Variants in PDLIM5 observed in about 807,000 individuals in gnomAD.
The protein encoded by PDLIM5 is PDZ and LIM domain protein 5.
PDLIM5 carries 34 observed loss-of-function variants against 64.2 expected under a neutral mutation model. The observed-to-expected ratio is 0.53, with a 90% CI of 0.40 to 0.71. The LOEUF (loss-of-function observed/expected upper bound fraction) is 0.71. Among genes scored for constraint, PDLIM5 ranks in the 30% least tolerant of loss-of-function variants. The pLI is 0.00. For synonymous variants in PDLIM5, 253 were observed against 269.1 expected (o/e 0.94, Z 0.59); for missense variants, 683 against 733.6 (o/e 0.93, Z 0.80).
At chr4:94,580,031 A>G (rs1476518328) in intron 5 of PDLIM5, among the ~76,000 whole-genome samples, 1 of 152,128 alleles carries the variant, frequency 6.6e-6, no homozygotes, top group African/African-American at 2.4e-5. Context: ...TGGATAATAG[A>G]AAGTCCACAC....
chr4:94,585,215 C>G (rs1736074553), intron 5 of PDLIM5, among the ~76,000 whole-genome samples: 1 of 152,086 alleles, frequency 6.6e-6, no homozygotes, highest in Non-Finnish European at 1.5e-5. Context: ...GTCAGCCTCC[C>G]CAGTAGCTGG....
intron 2 of PDLIM5, among the ~76,000 whole-genome samples, chr4:94,461,714 A>G (rs1723898531): frequency 6.6e-6 from 1 of 152,154 alleles, no homozygotes; most frequent in African/African-American, 2.4e-5. Context: ...ACTAGAACAG[A>G]GTTCACCAAC....
rs371683638 is a variant in PDLIM5 at position 94,667,318 on chromosome 4, C to T, written c.*3251C>T. 2.0e-5 allele frequency: 3 copies of T among 152,196 alleles called. No homozygotes were observed. Among genetic ancestry groups the T allele is most frequent in the East Asian group, 3.8e-4 (2 of 5,204 alleles). The allele number at this position is 152,196 out of a possible 1,614,324, so 9.4% of individuals were successfully genotyped here. A position where few individuals can be genotyped will look rare whatever the true frequency, so the allele number is the denominator to read the frequency against. ...TGCTTGTCCAGTTGGCCCTCCATGT[C>T]CATAGGCTTCGCATCTGTGATTCAG... is the stretch of plus-strand genomic sequence containing the variant. On this transcript the variant is annotated 3_prime_UTR_variant, in exon 13 of 13. Transcript: ENST00000317968.
intron 3 of PDLIM5, among the ~76,000 whole-genome samples, chr4:94,528,960 C>A (rs1435219470): frequency 6.6e-6 from 1 of 152,158 alleles, no homozygotes; most frequent in Non-Finnish European, 1.5e-5. Context: ...AGTGTGGTGG[C>A]CCTCTGTCAG....
intron 8 of PDLIM5, among the ~76,000 whole-genome samples, chr4:94,618,957 G>T (rs553497250): frequency 6.6e-6 from 1 of 152,218 alleles, no homozygotes; most frequent in South Asian, 2.1e-4. Context: ...CTCTCCCTGG[G>T]TGATCTCTCA....
chr4:94,604,583 G>A lies in PDLIM5; in HGVS notation c.921-13421G>A, dbSNP rs538153773. Among the ~76,000 whole-genome samples the A allele has an allele frequency of 7.2e-5, 11 of 152,214 alleles. No individual in the cohort carries two copies. In the South Asian group the frequency reaches 8.3e-4, roughly 11 times the overall value. On this transcript the variant is annotated intron_variant, in intron 7 of 12. Coordinates refer to ENST00000317968, the MANE Select transcript of PDLIM5 (RefSeq NM_006457.5). ...AGGGAGGTGGAGGTTGCAGTGAGCC[G>A]GGATTGTGCCACTGTACTCCAGCCT...
intron 7 of PDLIM5, among the ~76,000 whole-genome samples, chr4:94,617,197 A>G (rs771283914): frequency 5.3e-5 from 8 of 152,186 alleles, no homozygotes; most frequent in Non-Finnish European, 8.8e-5. Flanking sequence ...ACCTAGAATT[A>G]TTATTTTTTT....
intron 2 of PDLIM5, among the ~76,000 whole-genome samples, chr4:94,507,849 C>G (rs1234350690): frequency 6.6e-6 from 1 of 152,210 alleles, no homozygotes; most frequent in African/African-American, 2.4e-5. Flanking sequence ...GATGAATCAG[C>G]AGACAGTGTG....
In PDLIM5 at chr4:94,666,915, A is replaced by T. The variant is rs1421631665; in HGVS notation, c.*2848A>T. 6.6e-6 allele frequency: 1 copy of T among 152,174 alleles called. No homozygotes were observed. The highest frequency in any genetic ancestry group is 2.4e-5 in the African/African-American group (1 of 41,450). The allele number at this position is 152,174 out of a possible 1,614,324, so 9.4% of individuals were successfully genotyped here. A position where few individuals can be genotyped will look rare whatever the true frequency, so the allele number is the denominator to read the frequency against. On this transcript the variant is annotated 3_prime_UTR_variant, in exon 13 of 13. Coordinates refer to ENST00000317968, the MANE Select transcript of PDLIM5 (RefSeq NM_006457.5). ...ATAAATATTGAACATAATCCAGAAG[A>T]ATCTCTCTGTTTCCCTTGGGGAATG... is the stretch of plus-strand genomic sequence containing the variant.
intron 7 of PDLIM5, among the ~76,000 whole-genome samples, chr4:94,608,976 A>G (rs890600824): frequency 5.9e-5 from 9 of 152,218 alleles, no homozygotes; most frequent in African/African-American, 2.2e-4. Flanking sequence ...AGATAGACCA[A>G]AAGAAAAATT....
chr4:94,526,887 C>T (rs1212775522), intron 3 of PDLIM5, among the ~76,000 whole-genome samples: 2 of 151,444 alleles, frequency 1.3e-5, no homozygotes, highest in Admixed American at 6.6e-5. Context: ...CGCATGTCAC[C>T]ATTCCTGGCT....
intron 3 of PDLIM5, among the ~76,000 whole-genome samples, chr4:94,558,326 A>G (rs914905802): frequency 1.3e-5 from 2 of 152,052 alleles, no homozygotes; most frequent in African/African-American, 4.8e-5. Context: ...GCTGTTCTTT[A>G]TTTTCTTGAT....
chr4:94,586,347 T>A (rs1736195082), intron 6 of PDLIM5, 61 bp from the exon 7 acceptor site: 1 of 901,112 alleles, frequency 1.1e-6, no homozygotes. Flanking sequence ...AGGTAATTGC[T>A]TAAGTGATTT....
chr4:94,594,732 A>C (rs192038493), intron 7 of PDLIM5, among the ~76,000 whole-genome samples: 27 of 152,266 alleles, frequency 1.8e-4, no homozygotes, highest in Admixed American at 1.2e-3. Context: ...TGTAGTTTCA[A>C]ATTTTTAATG....
chr4:94,582,654 G>A, intron 5 of PDLIM5: 2 of 1,020,928 alleles, frequency 2.0e-6, no homozygotes, highest in African/African-American at 1.6e-5. Context: ...TCATCTTCCG[G>A]GGAACATCAA....
At chr4:94,618,973 G>A (rs1739006271) in intron 8 of PDLIM5, among the ~76,000 whole-genome samples, 1 of 152,014 alleles carries the variant, frequency 6.6e-6, no homozygotes, top group African/African-American at 2.4e-5. Context: ...TCTCATCCAG[G>A]TTCCTTTCAT....
intron 5 of PDLIM5, among the ~76,000 whole-genome samples, chr4:94,580,002 A>G (rs1735605611): frequency 1.3e-5 from 2 of 152,144 alleles, no homozygotes; most frequent in South Asian, 4.1e-4. Flanking sequence ...AGACCTCTAT[A>G]TGTACAGTTG....
chr4:94,560,493 A>G (rs1013773261), intron 3 of PDLIM5, among the ~76,000 whole-genome samples: 5 of 152,166 alleles, frequency 3.3e-5, no homozygotes, highest in African/African-American at 1.2e-4. Flanking sequence ...AAACAATATT[A>G]GGTTTAGTGT....
chr4:94,474,725 C>T (rs1316691981), intron 2 of PDLIM5, among the ~76,000 whole-genome samples: 3 of 152,174 alleles, frequency 2.0e-5, no homozygotes, highest in African/African-American at 7.2e-5. Flanking sequence ...TCACAGCTCA[C>T]TGTAATCTCC....
Sources: gnomAD v4.1 joint callset for allele counts (sites outside exome capture counted in the v4.1 genomes callset) on GRCh38, gnomAD v4.1.1 for gene constraint, MANE v1.5 for transcripts, NCBI Gene and HGNC (gene_info 2026-07-23, HGNC 2026-07-21) for gene names.